Variants in ESR2 observed in about 807,000 individuals in gnomAD.
ESR2 encodes estrogen receptor 2, also known as estrogen receptor beta.
In ESR2, 36 loss-of-function variants were observed where a neutral mutation model predicts 49.6. The ratio of observed to expected loss-of-function variants is 0.73; its 90% CI spans 0.56 to 0.96. The LOEUF (loss-of-function observed/expected upper bound fraction) is 0.96. Among genes scored for constraint, ESR2 ranks in the 40% least tolerant of loss-of-function variants. The pLI is 0.00. For missense variants in ESR2, 714 were observed against 693.0 expected, an observed-to-expected ratio of 1.03 and a Z score of -0.34; for synonymous variants, 320 against 266.1, an observed-to-expected ratio of 1.20 and a Z score of -1.97.
intron 1 of ESR2, among the ~76,000 whole-genome samples, chr14:64,317,812 T>C (rs1263078307): frequency 2.6e-5 from 4 of 151,992 alleles, no homozygotes; most frequent in Non-Finnish European, 5.9e-5. Flanking sequence ...ACACCACTCA[T>C]AAAAATAAAC....
chr14:64,320,044 G>C (rs1336164702), intron 1 of ESR2, among the ~76,000 whole-genome samples: 2 of 151,898 alleles, frequency 1.3e-5, no homozygotes, highest in African/African-American at 4.8e-5. Context: ...TTTACCATTA[G>C]GTAAATGGAA....
chr14:64,331,822 CAAAAA>C (rs368932180), intron 1 of ESR2, among the ~76,000 whole-genome samples: 5 of 52,418 alleles, frequency 9.5e-5, no homozygotes, highest in Non-Finnish European at 1.2e-4. Flanking sequence ...GACTCCATCT[CAAAAA>C]AAAAAAAAAA....
intron 1 of ESR2, chr14:64,332,088 T>C (rs1006817257): frequency 2.0e-5 from 3 of 152,216 alleles, no homozygotes; most frequent in Non-Finnish European, 4.4e-5. Context: ...TTGCTATGCC[T>C]GATCAGCTAT....
chr14:64,268,737 C>G, intron 4 of ESR2, 58 bp downstream of exon 4: 1 of 991,142 alleles, frequency 1.0e-6, no homozygotes, highest in Non-Finnish European at 1.6e-6. Flanking sequence ...CCCAGTTCCT[C>G]AGAGGACAGG....
At chr14:64,303,726 T>G (rs1010643731) in intron 1 of ESR2, 5 of 152,226 alleles carry the variant, frequency 3.3e-5, no homozygotes, top group Non-Finnish European at 5.9e-5. Context: ...TTGAAATATA[T>G]AGAGAGCTAA....
intron 7 of ESR2, among the ~76,000 whole-genome samples, chr14:64,240,867 G>A (rs375459346): frequency 1.2e-4 from 18 of 152,090 alleles, no homozygotes; most frequent in African/African-American, 3.6e-4. Flanking sequence ...TAGGCTGGCC[G>A]GGCGCGGTGG....
At chr14:64,291,395 C>A (rs530943994) in intron 1 of ESR2, among the ~76,000 whole-genome samples, 5 of 152,332 alleles carry the variant, frequency 3.3e-5, no homozygotes, top group Admixed American at 3.3e-4. Context: ...GGAAGGCCAA[C>A]TATCCAGTTT....
chr14:64,281,480 G>C (rs2076666964), intron 2 of ESR2, among the ~76,000 whole-genome samples: 2 of 151,692 alleles, frequency 1.3e-5, no homozygotes, highest in Admixed American at 1.3e-4. Flanking sequence ...CTTTAAAAAA[G>C]TTATCCACAA....
chr14:64,248,364 C>A (rs570140228), intron 7 of ESR2, among the ~76,000 whole-genome samples: 1 of 151,770 alleles, frequency 6.6e-6, no homozygotes, highest in African/African-American at 2.4e-5. Context: ...TTTTAATTAA[C>A]CAGGTCTGGT....
rs1212571120 is a variant in ESR2, at chr14:64,229,431, A to G, written c.*3706T>C. ...CCCGTGGGCTTTAATTTACACAGAT[A>G]TGAAAGGTGGAGTTGAACTTTGATG... On this transcript the variant is annotated 3_prime_UTR_variant, in exon 9 of 9. Coordinates refer to ENST00000341099, the MANE Select transcript of ESR2 (RefSeq NM_001437.3). 1.3e-5 allele frequency among the ~76,000 whole-genome samples: 2 copies of G among 152,136 alleles called. No homozygotes were observed. The highest frequency in any genetic ancestry group is 4.8e-5 in the African/African-American group (2 of 41,434).
chr14:64,268,203 AAT>A (rs1285081786), intron 4 of ESR2, among the ~76,000 whole-genome samples: 5 of 152,226 alleles, frequency 3.3e-5, no homozygotes, highest in East Asian at 3.8e-4. Context: ...TATGTATGTG[AAT>A]ATGTTAAATA....
chr14:64,312,526 C>T (rs1346694654), intron 1 of ESR2, among the ~76,000 whole-genome samples: 1 of 152,136 alleles, frequency 6.6e-6, no homozygotes, highest in Non-Finnish European at 1.5e-5. Context: ...CCAGTCAAGA[C>T]AGGTTTATTT....
intron 1 of ESR2, among the ~76,000 whole-genome samples, chr14:64,317,245 A>G (rs2077266627): frequency 6.6e-6 from 1 of 152,250 alleles, no homozygotes; most frequent in African/African-American, 2.4e-5. Flanking sequence ...AGCCTAGGCG[A>G]CAGAGTGAGA....
At chr14:64,269,382 A>G (rs2076393973) in intron 3 of ESR2, among the ~76,000 whole-genome samples, 1 of 152,250 alleles carries the variant, frequency 6.6e-6, no homozygotes, top group Non-Finnish European at 1.5e-5. Context: ...TTAGCAATCT[A>G]AATAATGACA....
chr14:64,289,051 G>GATAGAGC (rs1303218329), intron 1 of ESR2, among the ~76,000 whole-genome samples: 10 of 151,278 alleles, frequency 6.6e-5, no homozygotes, highest in African/African-American at 2.4e-4. Flanking sequence ...TCTATCAATG[G>GATAGAGC]ATAGAGCAGA....
chr14:64,289,036 T>C (rs1161347416), intron 1 of ESR2, among the ~76,000 whole-genome samples: 2 of 150,506 alleles, frequency 1.3e-5, no homozygotes, highest in Admixed American at 6.6e-5. Context: ...TGTTCTTATG[T>C]ATATTCTATC....
chr14:64,248,333 T>C (rs1384306093), intron 7 of ESR2, among the ~76,000 whole-genome samples: 1 of 151,830 alleles, frequency 6.6e-6, no homozygotes, highest in Non-Finnish European at 1.5e-5. Context: ...AGCAAGATTC[T>C]GTCTCTACAA....
intron 1 of ESR2, among the ~76,000 whole-genome samples, chr14:64,319,995 G>A (rs1031115025): frequency 6.6e-5 from 10 of 152,084 alleles, no homozygotes; most frequent in Non-Finnish European, 1.5e-4. Context: ...GCTTATAGCA[G>A]CTTTATTTAT....
intron 7 of ESR2, among the ~76,000 whole-genome samples, chr14:64,241,099 T>C (rs1377867900): frequency 7.1e-6 from 1 of 140,586 alleles, no homozygotes; most frequent in Non-Finnish European, 1.5e-5. Context: ...TGAGCCGAGA[T>C]TGCGCCACTG....
Sources: allele counts gnomAD v4.1 joint callset (sites outside exome capture counted in the v4.1 genomes callset), GRCh38; gene constraint gnomAD v4.1.1; transcripts MANE v1.5; gene names NCBI Gene and HGNC (gene_info 2026-07-23, HGNC 2026-07-21).